The following XKR4 variants were observed in gnomAD, a reference collection of about 807,000 sequenced individuals.
XKR4 encodes the protein XK-related protein 4.
Under a neutral mutation model 53.9 loss-of-function variants are expected in XKR4, and 12 were observed. The ratio of observed to expected loss-of-function variants is 0.22; its 90% CI spans 0.14 to 0.36. XKR4 has a LOEUF of 0.36. Ranked by LOEUF, XKR4 falls within the 10% of genes least tolerant of loss-of-function variation. The pLI is 1.00. For synonymous variants in XKR4, 354 were observed against 362.4 expected (o/e 0.98, Z 0.26); for missense variants, 799 against 859.5 (o/e 0.93, Z 0.88).
intron 1 of XKR4, among the ~76,000 whole-genome samples, chr8:55,309,706 T>C (rs1819361300): frequency 6.6e-6 from 1 of 152,206 alleles, no homozygotes; most frequent in Admixed American, 6.5e-5. Flanking sequence ...ACAAGAGATC[T>C]CTGTATCACT....
At chr8:55,484,482 C>T (rs773615978) in intron 2 of XKR4, among the ~76,000 whole-genome samples, 7 of 152,150 alleles carry the variant, frequency 4.6e-5, no homozygotes, top group Non-Finnish European at 1.0e-4. Context: ...CATAACCAAG[C>T]AGGGTTTGTA....
intron 1 of XKR4, among the ~76,000 whole-genome samples, chr8:55,304,371 A>T (rs528205757): frequency 6.6e-6 from 1 of 152,162 alleles, no homozygotes; most frequent in African/African-American, 2.4e-5. Flanking sequence ...ACAGTTTGTT[A>T]TAATTTGTGT....
chr8:55,503,711 GCT>G (rs1220858073), intron 2 of XKR4, among the ~76,000 whole-genome samples: 1 of 151,870 alleles, frequency 6.6e-6, no homozygotes, highest in Non-Finnish European at 1.5e-5. Context: ...TTGCCTAATT[GCT>G]CTGACTGGGA....
intron 1 of XKR4, among the ~76,000 whole-genome samples, chr8:55,194,221 G>A (rs1037793598): frequency 2.9e-4 from 44 of 152,184 alleles, no homozygotes; most frequent in Admixed American, 2.2e-3. Context: ...AGAGTGTGGC[G>A]CTGCCAGCAA....
chr8:55,449,995 G>T, intron 2 of XKR4: 1 of 816,134 alleles, frequency 1.2e-6, no homozygotes, highest in South Asian at 1.4e-5. Context: ...CATACCCAGC[G>T]AGCAGCGGTG....
chr8:55,369,351 AAAGGGAAGGG>A (rs751982806), intron 2 of XKR4, among the ~76,000 whole-genome samples: 1 of 95,808 alleles, frequency 1.0e-5, no homozygotes, highest in Non-Finnish European at 2.0e-5. Flanking sequence ...CTGAGAAAGG[AAAGGGAAGGG>A]AAGGGAAGGG....
intron 1 of XKR4, among the ~76,000 whole-genome samples, chr8:55,220,939 G>T (rs1241701481): frequency 1.3e-5 from 2 of 152,238 alleles, no homozygotes; most frequent in African/African-American, 2.4e-5. Flanking sequence ...GTTCGTGGTA[G>T]ATACTATGCT....
chr8:55,350,837 T>C (rs754017898), intron 1 of XKR4, among the ~76,000 whole-genome samples: 88 of 151,666 alleles, frequency 5.8e-4, no homozygotes, highest in Middle Eastern at 3.4e-3. Flanking sequence ...CCTCCCAGGT[T>C]CAAGTGATTC....
chr8:55,357,908 G>A, intron 2 of XKR4, 31 bp downstream of exon 2: 6 of 1,592,556 alleles, frequency 3.8e-6, no homozygotes, highest in Non-Finnish European at 5.1e-6. Flanking sequence ...TTCTGAATTT[G>A]GGGAAAGATT....
At chr8:55,262,188 G>A (rs990531950) in intron 1 of XKR4, among the ~76,000 whole-genome samples, 4 of 152,164 alleles carry the variant, frequency 2.6e-5, no homozygotes, top group African/African-American at 7.2e-5. Context: ...AATGAAACAT[G>A]TTAAGTATAA....
rs79780334 is a variant in XKR4, at chr8:55,517,045, T to C, written c.1007-6236T>C. Among the ~76,000 whole-genome samples the C allele has an allele frequency of 1.1e-3, 175 of 152,288 alleles. 1 individual carries two copies. Among genetic ancestry groups the C allele is most frequent in the African/African-American group, 4.0e-3 (167 of 41,572 alleles). On this transcript the variant is annotated intron_variant, in intron 2 of 2. Coordinates refer to ENST00000327381, the MANE Select transcript of XKR4 (RefSeq NM_052898.2). ...CAGAAAGAGGAGGTCAAATACCGCA[T>C]GTTCTCACTCACAAGTGGGAGCTAA...
intron 1 of XKR4, among the ~76,000 whole-genome samples, chr8:55,328,512 A>C (rs1439714845): frequency 6.6e-6 from 1 of 152,158 alleles, no homozygotes; most frequent in African/African-American, 2.4e-5. Context: ...CCTTCAGCCC[A>C]TCTAATTCCT....
intron 1 of XKR4, among the ~76,000 whole-genome samples, chr8:55,119,861 A>G (rs542454815): frequency 6.6e-5 from 10 of 152,338 alleles, no homozygotes; most frequent in Admixed American, 2.6e-4. Context: ...AGTGCTGGTT[A>G]AGAACTCTAC....
chr8:55,463,023 A>G (rs966964996), intron 2 of XKR4, among the ~76,000 whole-genome samples: 2 of 152,206 alleles, frequency 1.3e-5, no homozygotes, highest in Non-Finnish European at 2.9e-5. Flanking sequence ...CACTATAATA[A>G]TGCGAGACTT....
chr8:55,386,039 CAG>C (rs1321086180), intron 2 of XKR4, among the ~76,000 whole-genome samples: 11 of 152,152 alleles, frequency 7.2e-5, no homozygotes, highest in African/African-American at 2.2e-4. Context: ...AGGCAGAAGA[CAG>C]AGTCTGAAGC....
At chr8:55,346,271 G>C (rs1307857341) in intron 1 of XKR4, among the ~76,000 whole-genome samples, 1 of 151,910 alleles carries the variant, frequency 6.6e-6, no homozygotes, top group Non-Finnish European at 1.5e-5. Context: ...ATTTTTAGTA[G>C]AGACTGGCTT....
At chr8:55,288,411 AT>A (rs1418377075) in intron 1 of XKR4, among the ~76,000 whole-genome samples, 3 of 152,238 alleles carry the variant, frequency 2.0e-5, no homozygotes, top group Admixed American at 2.0e-4. Flanking sequence ...TAAGAACTTT[AT>A]GCTTAAAATT....
intron 2 of XKR4, among the ~76,000 whole-genome samples, chr8:55,467,302 C>T (rs1315199251): frequency 6.6e-6 from 1 of 152,118 alleles, no homozygotes; most frequent in Non-Finnish European, 1.5e-5. Context: ...TTGGTTAGAC[C>T]AGCCCCACTG....
chr8:55,279,974 T>G (rs533273577), intron 1 of XKR4, among the ~76,000 whole-genome samples: 1 of 152,224 alleles, frequency 6.6e-6, no homozygotes, highest in Non-Finnish European at 1.5e-5. Flanking sequence ...TACATTGTTC[T>G]CGAAGAGATA....
Sources: gnomAD v4.1 joint callset for allele counts (sites outside exome capture counted in the v4.1 genomes callset) on GRCh38, gnomAD v4.1.1 for gene constraint, MANE v1.5 for transcripts, NCBI Gene and HGNC (gene_info 2026-07-23, HGNC 2026-07-21) for gene names.